FEZ1: variants seen among roughly 807,000 people sequenced by gnomAD.
The protein encoded by FEZ1 is fasciculation and elongation protein zeta-1.
In FEZ1, 20 loss-of-function variants were observed where a neutral mutation model predicts 49.3. The ratio of observed to expected loss-of-function variants is 0.41; its 90% CI spans 0.29 to 0.59. FEZ1 has a LOEUF of 0.59. FEZ1 is among the 20% of genes least tolerant of loss of function. The pLI, the probability that FEZ1 is intolerant of heterozygous loss-of-function variation, is 0.36. For synonymous variants in FEZ1, 170 were observed against 180.9 expected, an observed-to-expected ratio of 0.94 and a Z score of 0.48; for missense variants, 413 against 476.0, an observed-to-expected ratio of 0.87 and a Z score of 1.23.
At chr11:125,467,036 A>ATTT (rs11323641) in intron 3 of FEZ1, among the ~76,000 whole-genome samples, 1 of 144,216 alleles carries the variant, frequency 6.9e-6, no homozygotes, top group Non-Finnish European at 1.5e-5. Context: ...ACTGTGTCCC[A>ATTT]TTTTTTTTTT....
In FEZ1 at chr11:125,446,124, G is replaced by A. The variant is rs756308363; in HGVS notation, c.1163-13C>T. On this transcript the variant is annotated splice_polypyrimidine_tract_variant and intron_variant, in intron 9 of 9. Transcript: ENST00000278919. ...GTAGGGCAGAGCACTGCAACGAGAA[G>A]AGAGGAGGGGAGAGCGGTCAGAACA... 1 of 1,613,854 alleles carries A rather than the reference G, an allele frequency of 6.2e-7. No individual in the cohort carries two copies.
chr11:125,481,519 GC>G lies in FEZ1; in HGVS notation c.411+14del, dbSNP rs1565302380. ...CATCTCAAGCCCTGCTAAACCAGGG[GC>G]CCCGGAGAGGTACCTCAGTGTCAGA... On this transcript the variant is annotated intron_variant, in intron 3 of 9. Transcript: ENST00000278919. 4 of 1,515,298 alleles carry G rather than the reference GC, an allele frequency of 2.6e-6. No homozygotes were observed. Among genetic ancestry groups the G allele is most frequent in the Non-Finnish European group, 9.2e-7 (1 of 1,089,898 alleles). 93.9% of individuals were successfully genotyped at this position (1,515,298 alleles called of 1,614,324 possible).
intron 2 of FEZ1, 24 bp from the exon 3 acceptor site, chr11:125,481,657 T>C: frequency 6.6e-7 from 1 of 1,511,788 alleles, no homozygotes; most frequent in Non-Finnish European, 9.2e-7. Flanking sequence ...GAAGCTCTCA[T>C]TAACACACAT....
intron 3 of FEZ1, among the ~76,000 whole-genome samples, chr11:125,476,248 A>G (rs558093282): frequency 6.6e-6 from 1 of 152,324 alleles, no homozygotes; most frequent in South Asian, 2.1e-4. Context: ...TCACTTTAAT[A>G]TGTGCAGCTC....
At chr11:125,460,025 G>A (rs1436472798) in intron 5 of FEZ1, among the ~76,000 whole-genome samples, 1 of 152,140 alleles carries the variant, frequency 6.6e-6, no homozygotes, top group Non-Finnish European at 1.5e-5. Context: ...CAACCTGGGA[G>A]GTGGAGGTTG....
intron 2 of FEZ1, among the ~76,000 whole-genome samples, chr11:125,483,894 C>T (rs752413934): frequency 3.4e-4 from 52 of 152,270 alleles, no homozygotes; most frequent in Non-Finnish European, 6.0e-4. Flanking sequence ...TTAGAGTGCC[C>T]GCTTTTCTCA....
At chr11:125,458,617 C>T (rs1957042200) in intron 5 of FEZ1, among the ~76,000 whole-genome samples, 1 of 152,214 alleles carries the variant, frequency 6.6e-6, no homozygotes, top group African/African-American at 2.4e-5. Flanking sequence ...AGAATTTCTT[C>T]TACCTATCCT....
chr11:125,494,580 C>T (rs1424103309), intron 1 of FEZ1, among the ~76,000 whole-genome samples: 1 of 152,150 alleles, frequency 6.6e-6, no homozygotes, highest in East Asian at 1.9e-4. Context: ...AAAGAAGGAA[C>T]CATGGGAGGG....
intron 3 of FEZ1, among the ~76,000 whole-genome samples, chr11:125,479,360 A>G (rs1957259774): frequency 6.6e-6 from 1 of 152,250 alleles, no homozygotes; most frequent in Admixed American, 6.5e-5. Context: ...TGAAACACTT[A>G]GAAAGATTAG....
chr11:125,481,227 T>A (rs1019162840), intron 3 of FEZ1, among the ~76,000 whole-genome samples: 3 of 152,058 alleles, frequency 2.0e-5, no homozygotes, highest in South Asian at 2.1e-4. Flanking sequence ...ATTTTTTTTT[T>A]AATTGAACCT....
chr11:125,444,875 A>G lies in FEZ1; in HGVS notation c.*1220T>C, dbSNP rs887444626. Among the ~76,000 whole-genome samples the G allele has an allele frequency of 6.6e-6, 1 of 152,216 alleles. No homozygotes were observed. The highest frequency in any genetic ancestry group is 2.4e-5 in the African/African-American group (1 of 41,462). Reference sequence around the variant, plus strand: ...TCCTCTGCAAAATCGGGATCATACTAGCACCTGTTTACACGTGGTGATGCT... The same window carrying G: ...TCCTCTGCAAAATCGGGATCATACTGGCACCTGTTTACACGTGGTGATGCT... On this transcript the variant is annotated 3_prime_UTR_variant, in exon 10 of 10. Transcript: ENST00000278919.
chr11:125,475,939 T>C (rs1231168907), intron 3 of FEZ1, among the ~76,000 whole-genome samples: 1 of 152,170 alleles, frequency 6.6e-6, no homozygotes, highest in East Asian at 1.9e-4. Flanking sequence ...TGGTGATATA[T>C]CCATACAACA....
chr11:125,462,381 A>G (rs1019446095), intron 4 of FEZ1, among the ~76,000 whole-genome samples: 4 of 152,256 alleles, frequency 2.6e-5, no homozygotes, highest in African/African-American at 9.6e-5. Flanking sequence ...CACAAAGTCG[A>G]AGTGGCTCTA....
At chr11:125,450,009 G>A (rs1239330241) in intron 8 of FEZ1, among the ~76,000 whole-genome samples, 1 of 151,664 alleles carries the variant, frequency 6.6e-6, no homozygotes, top group Non-Finnish European at 1.5e-5. Context: ...TGGATTCTAG[G>A]GGGTCCTGGT....
At chr11:125,455,105 C>T (rs1486639637) in intron 6 of FEZ1, among the ~76,000 whole-genome samples, 1 of 151,254 alleles carries the variant, frequency 6.6e-6, no homozygotes, top group Non-Finnish European at 1.5e-5. Context: ...AATAAGGCAT[C>T]TGGGGCCAGG....
chr11:125,466,297 A>G (rs1349826902), intron 3 of FEZ1, among the ~76,000 whole-genome samples: 1 of 152,104 alleles, frequency 6.6e-6, no homozygotes, highest in African/African-American at 2.4e-5. Context: ...CCTGGGCAAC[A>G]TGGCAAGACT....
intron 5 of FEZ1, 86 bp from the exon 6 acceptor site, chr11:125,456,192 A>G (rs1957009684): frequency 1.6e-6 from 2 of 1,284,498 alleles, no homozygotes; most frequent in Non-Finnish European, 2.1e-6. Context: ...ACCAATCAAG[A>G]TGGGACTGCC....
intron 3 of FEZ1, among the ~76,000 whole-genome samples, chr11:125,471,213 G>A (rs1012934758): frequency 1.3e-5 from 2 of 151,990 alleles, no homozygotes; most frequent in African/African-American, 4.8e-5. Flanking sequence ...AACCAGATGG[G>A]ACAATCAGAA....
intron 3 of FEZ1, among the ~76,000 whole-genome samples, chr11:125,479,252 C>G (rs1278723836): frequency 1.3e-5 from 2 of 152,186 alleles, no homozygotes. Flanking sequence ...AATCAGTCAA[C>G]TGCTGATCTC....
Sources: gnomAD v4.1 joint callset for allele counts (sites outside exome capture counted in the v4.1 genomes callset) on GRCh38, gnomAD v4.1.1 for gene constraint, MANE v1.5 for transcripts, NCBI Gene and HGNC (gene_info 2026-07-23, HGNC 2026-07-21) for gene names.